Variants in PIAS2 observed in about 807,000 individuals in gnomAD.
PIAS2 encodes protein inhibitor of activated STAT 2, also known as E3 SUMO-protein ligase PIAS2.
PIAS2 carries 19 observed loss-of-function variants against 69.7 expected under a neutral mutation model. The observed-to-expected ratio is 0.27, with a 90% CI of 0.19 to 0.40. PIAS2 has a LOEUF of 0.40. PIAS2 is among the 10% of genes least tolerant of loss of function. The pLI is 1.00. For synonymous variants in PIAS2, 261 were observed against 263.2 expected, an observed-to-expected ratio of 0.99 and a Z score of 0.08; for missense variants, 624 against 757.0, an observed-to-expected ratio of 0.82 and a Z score of 2.06.
chr18:46,898,944 G>A (rs1310762194), intron 1 of PIAS2, among the ~76,000 whole-genome samples: 2 of 150,972 alleles, frequency 1.3e-5, no homozygotes, highest in Non-Finnish European at 2.9e-5. Context: ...GCAGTTAGCC[G>A]AGATTGCACC....
chr18:46,817,315 A>T, intron 12 of PIAS2: 1 of 983,904 alleles, frequency 1.0e-6, no homozygotes, highest in Non-Finnish European at 1.2e-6. Flanking sequence ...TCATTTTCTA[A>T]ATGTTCAACT....
chr18:46,886,800 C>T (rs997485049), intron 2 of PIAS2, among the ~76,000 whole-genome samples: 4 of 151,986 alleles, frequency 2.6e-5, no homozygotes, highest in Non-Finnish European at 2.9e-5. Context: ...ACAGCGCCAC[C>T]GCCCTCCATC....
chr18:46,866,488 A>G (rs2049483758), intron 2 of PIAS2, among the ~76,000 whole-genome samples: 1 of 152,270 alleles, frequency 6.6e-6, no homozygotes, highest in South Asian at 2.1e-4. Context: ...ATTTGCTGAC[A>G]GCAGACATGC....
intron 2 of PIAS2, among the ~76,000 whole-genome samples, chr18:46,865,926 C>T (rs1354032334): frequency 1.3e-5 from 2 of 151,980 alleles, no homozygotes; most frequent in Non-Finnish European, 1.5e-5. Flanking sequence ...TTTTCTTGTT[C>T]GGACTCCACT....
intron 2 of PIAS2, among the ~76,000 whole-genome samples, chr18:46,874,744 C>A (rs151104731): frequency 6.6e-6 from 1 of 152,206 alleles, no homozygotes; most frequent in Non-Finnish European, 1.5e-5. Flanking sequence ...CATACTTAGT[C>A]TGTCTTCCAC....
intron 1 of PIAS2, among the ~76,000 whole-genome samples, chr18:46,910,193 G>A (rs1443074226): frequency 1.3e-5 from 2 of 152,032 alleles, no homozygotes; most frequent in African/African-American, 4.8e-5. Context: ...TTTTACATAT[G>A]TATATATGTT....
intron 5 of PIAS2, among the ~76,000 whole-genome samples, chr18:46,852,029 T>C (rs1461459930): frequency 6.6e-6 from 1 of 152,186 alleles, no homozygotes; most frequent in Non-Finnish European, 1.5e-5. Context: ...TTCTTAAAAC[T>C]GGAACAAAGT....
intron 12 of PIAS2, chr18:46,817,109 C>T (rs888886012): frequency 6.3e-6 from 6 of 948,480 alleles, no homozygotes; most frequent in Non-Finnish European, 7.5e-6. Context: ...AACTTCTTAT[C>T]TTTTCAGTTT....
intron 5 of PIAS2, among the ~76,000 whole-genome samples, chr18:46,851,531 G>A (rs2046968230): frequency 6.6e-6 from 1 of 152,170 alleles, no homozygotes; most frequent in Non-Finnish European, 1.5e-5. Context: ...TGGAGTCAAA[G>A]ATGGGAGATG....
intron 1 of PIAS2, chr18:46,907,463 T>C (rs1465177086): frequency 6.6e-6 from 1 of 151,930 alleles, no homozygotes; most frequent in Non-Finnish European, 1.5e-5. Flanking sequence ...ATGAACCAAC[T>C]ACAACTACAG....
chr18:46,874,916 A>C (rs1286927750), intron 2 of PIAS2, among the ~76,000 whole-genome samples: 1 of 152,132 alleles, frequency 6.6e-6, no homozygotes. Context: ...CTAACTACAG[A>C]AACCACTATC....
Position 46,808,021 on chromosome 18 carries a change from CATTATGAGAT to C in PIAS2, c.*4402_*4411del, listed in dbSNP as rs2040796218. The C allele has an allele frequency of 6.6e-6, 1 of 152,100 alleles. No individual in the cohort carries two copies. The highest frequency in any genetic ancestry group is 1.5e-5 in the Non-Finnish European group (1 of 68,024). 9.4% of individuals were successfully genotyped at this position (152,100 alleles called of 1,614,324 possible). A position where few individuals can be genotyped will look rare whatever the true frequency, so the allele number is the denominator to read the frequency against. On this transcript the variant is annotated 3_prime_UTR_variant, in exon 14 of 14. Coordinates refer to ENST00000585916, the MANE Select transcript of PIAS2 (RefSeq NM_004671.5). ...TTATACACAAAGACATTCATTGTGG[CATTATGAGAT>C]ATAATCTAAACTGTTCAAAATAAGT...
rs551220373 is a variant in PIAS2 at position 46,849,063 on chromosome 18, G to T, written c.727-2222C>A. 1.4e-4 allele frequency among the ~76,000 whole-genome samples: 21 copies of T among 152,200 alleles called. No homozygotes were observed. In the South Asian group the frequency reaches 4.4e-3, roughly 32 times the overall value. ...AACCAAATAAAAATAATGTTACAGG[G>T]TCTGTCAGAAGGATAGAAATAACTC... On this transcript the variant is annotated intron_variant, in intron 5 of 13. Transcript: ENST00000585916.
rs1462032654 is a variant in PIAS2 at position 46,812,679 on chromosome 18, A to C, written c.1687-67T>G. On this transcript the variant is annotated intron_variant, in intron 13 of 13. Transcript: ENST00000585916. The stretch of plus-strand genomic sequence containing the variant: ...TTGATTTTAAATAAAGAGACTAGAA[A>C]TTATTAGATATGCACAAGCAATAGT... 4.4e-6 allele frequency: 4 copies of C among 906,088 alleles called. No individual in the cohort carries two copies. In the African/African-American group the frequency reaches 4.9e-5, roughly 11 times the overall value. The allele number at this position is 906,088 out of a possible 1,614,324, so 56.1% of individuals were successfully genotyped here.
At chr18:46,830,824 C>T (rs1489778070) in intron 9 of PIAS2, among the ~76,000 whole-genome samples, 1 of 152,106 alleles carries the variant, frequency 6.6e-6, no homozygotes, top group African/African-American at 2.4e-5. Context: ...AGAAATAATA[C>T]CACTACTTCC....
intron 12 of PIAS2, among the ~76,000 whole-genome samples, chr18:46,818,789 A>G (rs1008732600): frequency 6.6e-6 from 1 of 152,132 alleles, no homozygotes; most frequent in African/African-American, 2.4e-5. Flanking sequence ...AACTGGTAAG[A>G]AAGCTTTTCA....
Position 46,829,599 on chromosome 18 carries a change from T to G in PIAS2, c.1336+135A>C. On this transcript the variant is annotated intron_variant, in intron 10 of 13. Coordinates refer to ENST00000585916, the MANE Select transcript of PIAS2 (RefSeq NM_004671.5). The stretch of plus-strand genomic sequence containing the variant: ...TCCTTCAGGAAAGAATAAAAATCAT[T>G]TGGGGGAAAACTATATATCATCAAA... 2 of 714,078 alleles carry G rather than the reference T, an allele frequency of 2.8e-6. 1 individual carries two copies. Among genetic ancestry groups the G allele is most frequent in the Non-Finnish European group, 4.6e-6 (2 of 432,124 alleles). 44.2% of individuals were successfully genotyped at this position (714,078 alleles called of 1,614,324 possible). A position where few individuals can be genotyped will look rare whatever the true frequency, so the allele number is the denominator to read the frequency against.
chr18:46,894,735 A>G (rs2054579541), intron 1 of PIAS2, among the ~76,000 whole-genome samples: 1 of 152,104 alleles, frequency 6.6e-6, no homozygotes, highest in East Asian at 1.9e-4. Flanking sequence ...CACTACATAC[A>G]AAGATGAAGG....
intron 12 of PIAS2, chr18:46,818,353 C>A (rs376973502): frequency 2.0e-6 from 3 of 1,517,788 alleles, no homozygotes; most frequent in East Asian, 2.5e-5. Context: ...TCCATAAATA[C>A]AAATTATTTG....
Sources: gnomAD v4.1 joint callset for allele counts (sites outside exome capture counted in the v4.1 genomes callset) on GRCh38, gnomAD v4.1.1 for gene constraint, MANE v1.5 for transcripts, NCBI Gene and HGNC (gene_info 2026-07-23, HGNC 2026-07-21) for gene names.